STK32C: variants seen among roughly 807,000 people sequenced by gnomAD.
STK32C encodes the protein serine/threonine kinase 32C.
STK32C carries 31 observed loss-of-function variants against 56.5 expected under a neutral mutation model. The ratio of observed to expected loss-of-function variants is 0.55; its 90% CI spans 0.41 to 0.74. The LOEUF (loss-of-function observed/expected upper bound fraction) is 0.74, where lower values mean the gene tolerates loss of function less well. Ranked by LOEUF, STK32C falls within the 30% of genes least tolerant of loss-of-function variation. The pLI is 0.00. For synonymous variants in STK32C, 309 were observed against 289.4 expected (o/e 1.07, Z -0.69); for missense variants, 544 against 676.9 (o/e 0.80, Z 2.18).
At chr10:132,258,076 G>A (rs1176717010) in intron 1 of STK32C, among the ~76,000 whole-genome samples, 1 of 152,216 alleles carries the variant, frequency 6.6e-6, no homozygotes, top group Non-Finnish European at 1.5e-5. Flanking sequence ...CACATGTGCT[G>A]ATGAATGCCG....
chr10:132,331,498 C>T (rs1041003304), exon 1 of STK32C: 3 of 1,612,914 alleles, frequency 1.9e-6, no homozygotes, highest in Non-Finnish European at 2.5e-6. Flanking sequence ...AAAGAGGACG[C>T]TCTGAGTCTG....
chr10:132,210,377 C>T (rs190406166), intron 10 of STK32C, among the ~76,000 whole-genome samples: 19 of 152,350 alleles, frequency 1.2e-4, no homozygotes, highest in Middle Eastern at 3.4e-3. Flanking sequence ...CTGCCTCAGC[C>T]TCCCAAGTAG....
rs35306580 is a variant in STK32C at position 132,222,248 on chromosome 10, C to T, written c.1251+393G>A. ...TCCCCACACACACAACTGATGCCGACGCACCTGGGTGAGTGTGAGGGCTTC... is the reference window on the plus strand; with the variant it reads ...TCCCCACACACACAACTGATGCCGATGCACCTGGGTGAGTGTGAGGGCTTC... On this transcript the variant is annotated intron_variant, in intron 10 of 11. Coordinates refer to ENST00000298630, the MANE Select transcript of STK32C (RefSeq NM_173575.4). Among the ~76,000 whole-genome samples, 665 of 150,266 alleles carry T rather than the reference C, an allele frequency of 4.4e-3. 1 individual carries two copies. Among genetic ancestry groups the T allele is most frequent in the Non-Finnish European group, 7.6e-3 (516 of 67,662 alleles).
At chr10:132,242,846 G>C (rs1196231044) in intron 2 of STK32C, among the ~76,000 whole-genome samples, 1 of 152,256 alleles carries the variant, frequency 6.6e-6, no homozygotes, top group East Asian at 1.9e-4. Context: ...AAGGCAGCCA[G>C]AGGGGCGGCT....
intron 1 of STK32C, among the ~76,000 whole-genome samples, chr10:132,294,815 TC>T (rs2065686164): frequency 6.6e-6 from 1 of 152,022 alleles, no homozygotes; most frequent in Non-Finnish European, 1.5e-5. Context: ...TGCAGTGACT[TC>T]CGTCCCCTTC....
chr10:132,250,124 A>G (rs2063842950), intron 1 of STK32C, among the ~76,000 whole-genome samples: 1 of 152,208 alleles, frequency 6.6e-6, no homozygotes. Flanking sequence ...GAGTTCCCAG[A>G]GCTCCCTGCA....
intron 1 of STK32C, among the ~76,000 whole-genome samples, chr10:132,246,318 G>A (rs1344616381): frequency 6.6e-6 from 1 of 152,258 alleles, no homozygotes; most frequent in Non-Finnish European, 1.5e-5. Context: ...TCCATCCAGT[G>A]AAGACCCCCA....
At chr10:132,213,799 T>C (rs2062387414) in intron 10 of STK32C, among the ~76,000 whole-genome samples, 1 of 152,086 alleles carries the variant, frequency 6.6e-6, no homozygotes, top group Non-Finnish European at 1.5e-5. Context: ...AAGGGCAATG[T>C]AAGTAGAGAG....
chr10:132,246,257 G>C (rs2063686598), intron 1 of STK32C, among the ~76,000 whole-genome samples: 1 of 152,248 alleles, frequency 6.6e-6, no homozygotes, highest in African/African-American at 2.4e-5. Flanking sequence ...CTGAGTCCCA[G>C]ACTCGACTGG....
chr10:132,315,604 C>T (rs912026035), intron 1 of STK32C, among the ~76,000 whole-genome samples: 6 of 152,100 alleles, frequency 3.9e-5, no homozygotes, highest in African/African-American at 9.7e-5. Context: ...AATAGACAAA[C>T]GCACAGTCAT....
chr10:132,248,554 T>C (rs1200550910), intron 1 of STK32C, among the ~76,000 whole-genome samples: 1 of 152,188 alleles, frequency 6.6e-6, no homozygotes, highest in Non-Finnish European at 1.5e-5. Flanking sequence ...CAGCGGCCGG[T>C]AGAGGCAAAA....
At chr10:132,269,339 C>G (rs1466059918) in intron 1 of STK32C, among the ~76,000 whole-genome samples, 1 of 152,224 alleles carries the variant, frequency 6.6e-6, no homozygotes. Context: ...CTGACCGACA[C>G]ATGGTGCCTG....
rs1053015265 is a variant in STK32C, at chr10:132,224,341, C to T, written c.993+66G>A. On this transcript the variant is annotated intron_variant, in intron 8 of 11. Coordinates refer to ENST00000298630, the MANE Select transcript of STK32C (RefSeq NM_173575.4). ...TGTGCACTGGAGGGGGTGTCCCGAG[C>T]CGCAGGTAAGTGAGGGAGGGAGGTG... 7 of 1,223,120 alleles carry T rather than the reference C, an allele frequency of 5.7e-6. No homozygotes were observed. The African/African-American group carries it at 1.0e-4, about 18-fold the overall frequency. The allele number at this position is 1,223,120 out of a possible 1,614,324, so 75.8% of individuals were successfully genotyped here. A position where few individuals can be genotyped will look rare whatever the true frequency, so the allele number is the denominator to read the frequency against.
At position 132,258,469 on chromosome 10, in the gene STK32C, G is replaced by A. The variant is rs148256450; in HGVS notation, c.263-12514C>T. On this transcript the variant is annotated intron_variant, in intron 1 of 11. Transcript: ENST00000298630. ...TCTTTGCAAAGGACAGGTGGAGCCC[G>A]TGTCATCCTCAGGACGGGTCCAGTG... is the stretch of plus-strand genomic sequence containing the variant. Among the ~76,000 whole-genome samples the A allele has an allele frequency of 1.4e-4, 22 of 152,350 alleles. No individual in the cohort carries two copies. In the East Asian group the frequency reaches 3.7e-3, roughly 25 times the overall value.
intron 1 of STK32C, chr10:132,330,535 G>A (rs1429906132): frequency 7.0e-6 from 5 of 716,076 alleles, no homozygotes; most frequent in Non-Finnish European, 1.3e-5. Context: ...TTTGAGACAG[G>A]GTCTCGCTGT....
At chr10:132,325,741 T>A (rs1382421729) in intron 1 of STK32C, among the ~76,000 whole-genome samples, 1 of 138,784 alleles carries the variant, frequency 7.2e-6, no homozygotes, top group Admixed American at 7.2e-5. Context: ...TTTTTTTTTT[T>A]AAGACAGTCT....
At chr10:132,212,561 C>T (rs1030128115) in intron 10 of STK32C, among the ~76,000 whole-genome samples, 3 of 152,312 alleles carry the variant, frequency 2.0e-5, no homozygotes, top group Non-Finnish European at 2.9e-5. Flanking sequence ...ACAGCCACAT[C>T]GGACAACGTC....
At chr10:132,272,511 G>A (rs2064860624) in intron 1 of STK32C, among the ~76,000 whole-genome samples, 1 of 152,210 alleles carries the variant, frequency 6.6e-6, no homozygotes, top group Admixed American at 6.5e-5. Context: ...TCATCCGGAT[G>A]CTCGGCCTGA....
chr10:132,322,132 T>C (rs1436265834), downstream of STK32C, among the ~76,000 whole-genome samples: 2 of 152,228 alleles, frequency 1.3e-5, no homozygotes, highest in African/African-American at 4.8e-5. Flanking sequence ...AAATACAATC[T>C]TGGATCAAAT....
Sources: gnomAD v4.1 joint callset for allele counts (sites outside exome capture counted in the v4.1 genomes callset) on GRCh38, gnomAD v4.1.1 for gene constraint, MANE v1.5 for transcripts, NCBI Gene and HGNC (gene_info 2026-07-23, HGNC 2026-07-21) for gene names.